The following PRB2 variants were observed in gnomAD, a reference collection of about 807,000 sequenced individuals.
The protein encoded by PRB2 is basic salivary proline-rich protein 2.
Under a neutral mutation model 8.3 loss-of-function variants are expected in PRB2, and 12 were observed. The ratio of observed to expected loss-of-function variants is 1.45; its 90% CI spans 0.93 to 2.35. The LOEUF is 2.35. Among genes scored for constraint, PRB2 ranks in the 30% most tolerant of loss-of-function variants. The pLI is 0.00. For synonymous variants in PRB2, 146 were observed against 180.0 expected, an observed-to-expected ratio of 0.81 and a Z score of 1.51; for missense variants, 470 against 507.0, an observed-to-expected ratio of 0.93 and a Z score of 0.70.
Position 11,394,521 on chromosome 12 carries a change from T to G in PRB2, c.74A>C (p.Gln25Pro), listed in dbSNP as rs1864378354. Residue 25 changes from glutamine (Q) to proline (P), a missense_variant, in exon 2 of 4, where the codon CAG becomes CCG. Coordinates refer to ENST00000389362, the MANE Select transcript of PRB2 (RefSeq NM_006248.4). ...SAQNLNEDVS[Q>P]EESPSLIAGN... ...TGCTATTAGGGAGGGAGATTCTTCC[T>G]GGCTGACATCTAGAAGAGAAGCACA... 6.2e-7 allele frequency: 1 copy of G among 1,613,510 alleles called. No individual in the cohort carries two copies. The highest frequency in any genetic ancestry group is 8.5e-7 in the Non-Finnish European group (1 of 1,179,442).
chr12:11,395,331 C>G, intron 1 of PRB2, 135 bp downstream of exon 1: 1 of 1,056,920 alleles, frequency 9.5e-7, no homozygotes, highest in South Asian at 1.3e-5. Flanking sequence ...GAGGGCACAA[C>G]AAGTCTCCTG....
At chr12:11,395,435 G>C in intron 1 of PRB2, 31 bp downstream of exon 1, 1 of 1,613,520 alleles carries the variant, frequency 6.2e-7, no homozygotes, top group Non-Finnish European at 8.5e-7. Context: ...CCCAAGCAGA[G>C]TCACCACATC....
In PRB2 at chr12:11,393,727, C is replaced by T. The variant is rs1329751562; in HGVS notation, c.351G>A (p.Lys117=). Residue 117 remains lysine, a synonymous_variant, in exon 3 of 4, where the codon AAG becomes AAA. Coordinates refer to ENST00000389362, the MANE Select transcript of PRB2 (RefSeq NM_006248.4). ...KSRSPRSPPG[K]PQGPPPQGGN... is the part of the protein sequence containing the mutation. Reference sequence around the variant, plus strand: ...CTCCTTGTGGGGGTGGTCCTTGTGGCTTTCCTGGAGGAGATCGGGGACTTC... The same window carrying T: ...CTCCTTGTGGGGGTGGTCCTTGTGGTTTTCCTGGAGGAGATCGGGGACTTC... The T allele has an allele frequency of 1.9e-6, 3 of 1,589,430 alleles. No homozygotes were observed. The highest frequency in any genetic ancestry group is 2.6e-6 in the Non-Finnish European group (3 of 1,169,692).
chr12:11,393,612 G>T lies in PRB2; in HGVS notation c.466C>A (p.Pro156Thr), dbSNP rs547355131. The T allele has an allele frequency of 6.4e-7, 1 of 1,551,590 alleles. No homozygotes were observed. ...GGNKPQGPPP[P>T]GKPQGPPPQG... ...GGGGGTGGTCCTTGTGGCTTTCCTG[G>T]AGGTGGGGGACCTTGAGGTTTGTTG... Residue 156 changes from proline to threonine, a missense_variant, in exon 3 of 4, where the codon CCA becomes ACA. Physicochemically the swap from Pro to Thr is conservative, Grantham distance 38. Around this residue, in one of 4 missense-constraint regions of PRB2, gnomAD observed 211 missense variants for 207.7 expected, o/e 1.02. Coordinates refer to ENST00000389362, the MANE Select transcript of PRB2 (RefSeq NM_006248.4).
Position 11,395,506 on chromosome 12 carries a change from C to T in PRB2, c.24G>A (p.Val8=), listed in dbSNP as rs1399101884. ...GAGCTGAGCTCAGGGCCAGCAAGGC[C>T]ACTGACAGCAGAATCAACAGCATCT... MLLILLS[V]ALLALSSAQN... Residue 8 remains valine (V), a synonymous_variant, in exon 1 of 4, where the codon GTG becomes GTA. Coordinates refer to ENST00000389362, the MANE Select transcript of PRB2 (RefSeq NM_006248.4). The T allele has an allele frequency of 2.5e-6, 4 of 1,613,208 alleles. No individual in the cohort carries two copies. Among genetic ancestry groups the T allele is most frequent in the Non-Finnish European group, 3.4e-6 (4 of 1,179,736 alleles).
chr12:11,393,056 G>C lies in PRB2; in HGVS notation c.1022C>G (p.Pro341Arg). The stretch of plus-strand genomic sequence containing the variant: ...GGGTGGTCCTTGTGGCTTTCCTGGA[G>C]GTGGGGGACCTTGAGGTTTGTTGCC... ...QGGNKPQGPP[P>R]PGKPQGPPPQ... The change falls in exon 3 of 4, where the codon CCT (proline) becomes CGT (arginine). Residue 341 changes from proline (P) to arginine (R), a missense_variant. By Grantham distance (103) the Pro-to-Arg change is moderately radical (BLOSUM62 -2). Transcript: ENST00000389362. 6.2e-7 allele frequency: 1 copy of C among 1,603,228 alleles called. No homozygotes were observed. Among genetic ancestry groups the C allele is most frequent in the Non-Finnish European group, 8.5e-7 (1 of 1,175,688 alleles).
In PRB2 at chr12:11,393,179, G is replaced by A; in HGVS notation, c.899C>T (p.Pro300Leu). Reference sequence around the variant, plus strand: ...GGGTGGTCCTTGTGGCTTTCCTGGAGGAGATCGAGAACTTCGGGACTTGCT... The same window carrying A: ...GGGTGGTCCTTGTGGCTTTCCTGGAAGAGATCGAGAACTTCGGGACTTGCT... ...GGSKSRSSRS[P>L]PGKPQGPPPQ... is the part of the protein sequence containing the mutation. Residue 300 changes from proline (P) to leucine (L), a missense_variant, in exon 3 of 4, where the codon CCT becomes CTT. By Grantham distance (98) the Pro-to-Leu change is moderately conservative. Around this residue, in one of 4 missense-constraint regions of PRB2, gnomAD observed 205 missense variants for 195.0 expected, o/e 1.05. Transcript: ENST00000389362. 1 of 1,599,030 alleles carries A rather than the reference G, an allele frequency of 6.3e-7. No homozygotes were observed. Among genetic ancestry groups the A allele is most frequent in the African/African-American group, 1.5e-5 (1 of 67,990 alleles).
intron 1 of PRB2, 48 bp downstream of exon 1, chr12:11,395,418 C>A: frequency 1.2e-6 from 2 of 1,611,102 alleles, no homozygotes; most frequent in Non-Finnish European, 1.7e-6. Flanking sequence ...ATTATCACCT[C>A]CTAAGCCCCA....
intron 1 of PRB2, 109 bp from the exon 2 acceptor site, chr12:11,394,639 A>G: frequency 2.9e-6 from 4 of 1,356,950 alleles, no homozygotes; most frequent in Non-Finnish European, 4.2e-6. Context: ...TGCATCCCCT[A>G]AGTTAACTCA....
chr12:11,393,710 G>T lies in PRB2; in HGVS notation c.368C>A (p.Pro123Gln), dbSNP rs113387773. The T allele has an allele frequency of 1.9e-6, 3 of 1,598,846 alleles. No individual in the cohort carries two copies. The highest frequency in any genetic ancestry group is 2.2e-5 in the South Asian group (2 of 89,636). ...SPPGKPQGPP[P>Q]QGGNQPQGPP... Reference sequence around the variant, plus strand: ...ACCTTGAGGCTGGTTGCCTCCTTGTGGGGGTGGTCCTTGTGGCTTTCCTGG... The same window carrying T: ...ACCTTGAGGCTGGTTGCCTCCTTGTTGGGGTGGTCCTTGTGGCTTTCCTGG... The change falls in exon 3 of 4, where the codon CCA (proline) becomes CAA (glutamine). Residue 123 changes from proline (P) to glutamine (Q), a missense_variant. By Grantham distance (76) the Pro-to-Gln change is moderately conservative. Transcript: ENST00000389362.
chr12:11,393,648 G>C lies in PRB2; in HGVS notation c.430C>G (p.Pro144Ala), dbSNP rs1864357837. 1 of 1,557,396 alleles carries C rather than the reference G, an allele frequency of 6.4e-7. No individual in the cohort carries two copies. Among genetic ancestry groups the C allele is most frequent in the African/African-American group, 1.5e-5 (1 of 65,762 alleles). Residue 144 changes from proline to alanine, a missense_variant, in exon 3 of 4, where the codon CCA (proline) becomes GCA (alanine). Around this residue, in one of 4 missense-constraint regions of PRB2, gnomAD observed 211 missense variants for 207.7 expected, o/e 1.02. Coordinates refer to ENST00000389362, the MANE Select transcript of PRB2 (RefSeq NM_006248.4). ...PPPGKPQGPP[P>A]QGGNKPQGPP... is the part of the protein sequence containing the mutation. ...CCTTGAGGTTTGTTGCCTCCTTGTGGGGGTGGTCCTTGTGGCTTTCCTGGA... is the reference window on the plus strand; with the variant it reads ...CCTTGAGGTTTGTTGCCTCCTTGTGCGGGTGGTCCTTGTGGCTTTCCTGGA...
Position 11,394,555 on chromosome 12 carries a change from G to A in PRB2, c.65-25C>T, listed in dbSNP as rs777487836. 5 of 1,612,102 alleles carry A rather than the reference G, an allele frequency of 3.1e-6. No individual in the cohort carries two copies. In the Admixed American group the frequency reaches 8.3e-5, roughly 27 times the overall value. ...TCTAGAAGAGAAGCACAGGATGATG[G>A]GAACAGTTACATCTTGAACCTTACA... On this transcript the variant is annotated intron_variant, in intron 1 of 3. Transcript: ENST00000389362.
chr12:11,393,252 C>G lies in PRB2; in HGVS notation c.826G>C (p.Gly276Arg). 3.2e-6 allele frequency: 4 copies of G among 1,240,432 alleles called. No homozygotes were observed. Among genetic ancestry groups the G allele is most frequent in the Non-Finnish European group, 4.3e-6 (4 of 936,442 alleles). The allele number at this position is 1,240,432 out of a possible 1,614,324, so 76.8% of individuals were successfully genotyped here. A position where few individuals can be genotyped will look rare whatever the true frequency, so the allele number is the denominator to read the frequency against. Residue 276 changes from glycine to arginine, a missense_variant, in exon 3 of 4, where the codon GGT becomes CGT. Physicochemically the swap from Gly to Arg is moderately radical, Grantham distance 125. This residue lies in a region of PRB2 where 205 missense variants were observed against 195.0 expected (regional missense o/e 1.05). Transcript: ENST00000389362. ...PPPQGGNKPQ[G>R]PPPPGKPQGP... ...TGTGGCTTTCCTGGAGGTGGGGGAC[C>G]TTGAGGTTTGTTGCCTCCTTGTGGG...
chr12:11,393,139 G>C lies in PRB2; in HGVS notation c.939C>G (p.Asn313Lys). 6.3e-7 allele frequency: 1 copy of C among 1,594,928 alleles called. No individual in the cohort carries two copies. Among genetic ancestry groups the C allele is most frequent in the Non-Finnish European group, 8.5e-7 (1 of 1,175,126 alleles). The part of the protein sequence containing the change: ...KPQGPPPQGG[N>K]QPQGPPPPPG... ...GAGGAGGTGGGGGACCTTGAGGCTG[G>C]TTGCCTCCTTGTGGGGGTGGTCCTT... The change falls in exon 3 of 4, where the codon AAC (asparagine) becomes AAG (lysine). Residue 313 changes from asparagine (N) to lysine (K), a missense_variant. Physicochemically the swap from Asn to Lys is moderately conservative, Grantham distance 94. Around this residue, in one of 4 missense-constraint regions of PRB2, gnomAD observed 205 missense variants for 195.0 expected, o/e 1.05. Coordinates refer to ENST00000389362, the MANE Select transcript of PRB2 (RefSeq NM_006248.4).
chr12:11,391,759 C>T (rs1196689197), intron 3 of PRB2, 111 bp from the exon 4 acceptor site: 1 of 246,696 alleles, frequency 4.1e-6, no homozygotes, highest in Admixed American at 5.0e-5. Flanking sequence ...TCCTCTCTCC[C>T]CCTATCCCTT....
rs370717085 is a variant in PRB2 at position 11,393,619 on chromosome 12, G to A, written c.459C>T (p.Pro153=). 969 of 1,465,302 alleles carry A rather than the reference G, an allele frequency of 6.6e-4. 12 individuals are homozygous for A. In the African/African-American group the frequency reaches 0.015, roughly 23 times the overall value. 90.8% of individuals were successfully genotyped at this position (1,465,302 alleles called of 1,614,324 possible). The change falls in exon 3 of 4, where the codon CCC becomes CCT. Residue 153 remains proline, a synonymous_variant. Coordinates refer to ENST00000389362, the MANE Select transcript of PRB2 (RefSeq NM_006248.4). The stretch of plus-strand genomic sequence containing the variant: ...GTCCTTGTGGCTTTCCTGGAGGTGG[G>A]GGACCTTGAGGTTTGTTGCCTCCTT... The part of the protein sequence containing the change: ...PPQGGNKPQG[P]PPPGKPQGPP...
rs200138685 is a variant in PRB2 at position 11,392,985 on chromosome 12, T to G, written c.1093A>C (p.Lys365Gln). ...KSRSARSPPGKPQGPPQQEGN... is the reference protein window; with the variant it reads ...KSRSARSPPGQPQGPPQQEGN... ...TCTTGTTGGGGTGGTCCTTGTGGCT[T>G]TCCTGGAGGAGATCGGGCACTTCGG... The change falls in exon 3 of 4, where the codon AAG (lysine) becomes CAG (glutamine). Residue 365 changes from lysine (K) to glutamine (Q), a missense_variant. Coordinates refer to ENST00000389362, the MANE Select transcript of PRB2 (RefSeq NM_006248.4). 9.9e-6 allele frequency: 16 copies of G among 1,612,536 alleles called. 1 individual carries two copies. In the African/African-American group the frequency reaches 2.0e-4, roughly 20 times the overall value.
In PRB2 at chr12:11,393,484, T is replaced by C; in HGVS notation, c.594A>G (p.Pro198=). 1 of 1,282,004 alleles carries C rather than the reference T, an allele frequency of 7.8e-7. No homozygotes were observed. Among genetic ancestry groups the C allele is most frequent in the East Asian group, 2.8e-5 (1 of 35,356 alleles). The allele number at this position is 1,282,004 out of a possible 1,614,324, so 79.4% of individuals were successfully genotyped here. The change falls in exon 3 of 4, where the codon CCA becomes CCG. Residue 198 remains proline, a synonymous_variant. Coordinates refer to ENST00000389362, the MANE Select transcript of PRB2 (RefSeq NM_006248.4). The stretch of plus-strand genomic sequence containing the variant: ...GTGGGGGTGGTCCTTGTGGCTTTCC[T>C]GGAGGAGGTGGGGGACCTTGGGGCT... ...GNQPQGPPPP[P]GKPQGPPPQG... is the part of the protein sequence containing the mutation.
intron 1 of PRB2, among the ~76,000 whole-genome samples, chr12:11,395,106 G>C (rs1864389460): frequency 6.6e-6 from 1 of 152,056 alleles, no homozygotes; most frequent in South Asian, 2.1e-4. Context: ...CTGATGCACT[G>C]TACAGCAAGG....
Sources: allele counts gnomAD v4.1 joint callset (sites outside exome capture counted in the v4.1 genomes callset), GRCh38; gene constraint gnomAD v4.1.1; regional missense constraint gnomAD v4.1.1; transcripts MANE v1.5; gene names NCBI Gene and HGNC (gene_info 2026-07-23, HGNC 2026-07-21).